Variants in MTOR observed in about 807,000 individuals in gnomAD.
The protein encoded by MTOR is mechanistic target of rapamycin kinase.
In MTOR, 70 loss-of-function variants were observed where a neutral mutation model predicts 319.8. The ratio of observed to expected loss-of-function variants is 0.22; its 90% CI spans 0.18 to 0.27. The LOEUF (loss-of-function observed/expected upper bound fraction) is 0.27. Among genes scored for constraint, MTOR ranks in the 10% least tolerant of loss-of-function variants. The probability of loss-of-function intolerance (pLI) is 1.00; values close to 1 mark genes in which losing one functional copy is unlikely to be tolerated. For synonymous variants in MTOR, 1,183 were observed against 1,211.4 expected (o/e 0.98, Z 0.49); for missense variants, 1,890 against 3,274.4 (o/e 0.58, Z 10.32).
intron 57 of MTOR, among the ~76,000 whole-genome samples, chr1:11,107,799 A>G (rs940531463): frequency 1.3e-5 from 2 of 152,092 alleles, no homozygotes; most frequent in African/African-American, 4.8e-5. Flanking sequence ...CCAGATCATA[A>G]ATCTGTCTTT....
At chr1:11,194,337 G>A in intron 28 of MTOR, 1 of 900,810 alleles carries the variant, frequency 1.1e-6, no homozygotes, top group Middle Eastern at 3.5e-4. Context: ...AAGTAATAAA[G>A]TCTTATTAGA....
chr1:11,181,086 G>C (rs549538531), intron 28 of MTOR, among the ~76,000 whole-genome samples: 1 of 152,282 alleles, frequency 6.6e-6, no homozygotes, highest in African/African-American at 2.4e-5. Flanking sequence ...AAATAAGGCA[G>C]TTTTTATGGG....
At chr1:11,226,926 C>T (rs1255464892) in intron 19 of MTOR, among the ~76,000 whole-genome samples, 1 of 132,270 alleles carries the variant, frequency 7.6e-6, no homozygotes, top group Non-Finnish European at 1.6e-5. Flanking sequence ...CCCACCCCCG[C>T]CCCCGCCCCC....
rs1291219149 is a variant in MTOR at position 11,107,150 on chromosome 1, A to G, written c.*335T>C. ...CTAGGTCATTCTTCCATCAGCAAGTACTTATGATGAGTTCTCTTGTGAGTT... is the reference window on the plus strand; with the variant it reads ...CTAGGTCATTCTTCCATCAGCAAGTGCTTATGATGAGTTCTCTTGTGAGTT... On this transcript the variant is annotated 3_prime_UTR_variant, in exon 58 of 58. Transcript: ENST00000361445. The G allele has an allele frequency of 7.2e-7, 1 of 1,384,832 alleles. No homozygotes were observed. The highest frequency in any genetic ancestry group is 2.2e-5 in the Admixed American group (1 of 46,076). The allele number at this position is 1,384,832 out of a possible 1,614,324, so 85.8% of individuals were successfully genotyped here. A position where few individuals can be genotyped will look rare whatever the true frequency, so the allele number is the denominator to read the frequency against.
intron 15 of MTOR, 138 bp downstream of exon 15, chr1:11,233,260 T>C (rs1452840324): frequency 6.0e-6 from 5 of 830,670 alleles, no homozygotes; most frequent in South Asian, 1.6e-5. Flanking sequence ...GAATCTGTTA[T>C]GAATGCATTG....
intron 19 of MTOR, among the ~76,000 whole-genome samples, chr1:11,223,065 A>C (rs1646720869): frequency 1.3e-5 from 2 of 152,222 alleles, no homozygotes; most frequent in South Asian, 4.1e-4. Context: ...CAAGCCTCTA[A>C]ATCTAACTAG....
chr1:11,238,522 G>A lies in MTOR; in HGVS notation c.1882C>T (p.Arg628Cys), dbSNP rs751242124. 23 of 1,614,104 alleles carry A rather than the reference G, an allele frequency of 1.4e-5. No homozygotes were observed. Among genetic ancestry groups the A allele is most frequent in the East Asian group, 2.2e-5 (1 of 44,898 alleles). Reference protein sequence around the residue: ...IRMEAARTCSRLLTPSIHLIS... With the variant: ...IRMEAARTCSCLLTPSIHLIS... Reference sequence around the variant, plus strand: ...AGGTGGATGGAGGGTGTGAGCAGGCGGGAGCAGGTGCGGGCAGCCTCCATG... The same window carrying A: ...AGGTGGATGGAGGGTGTGAGCAGGCAGGAGCAGGTGCGGGCAGCCTCCATG... Residue 628 changes from arginine (R) to cysteine (C), a missense_variant, in exon 12 of 58, where the codon CGC becomes TGC. Physicochemically the swap from Arg to Cys is radical, Grantham distance 180. Around this residue, in one of 15 missense-constraint regions of MTOR, gnomAD observed 418 missense variants for 543.1 expected, o/e 0.77. Coordinates refer to ENST00000361445, the MANE Select transcript of MTOR (RefSeq NM_004958.4).
At chr1:11,183,841 C>T (rs979407252) in intron 28 of MTOR, among the ~76,000 whole-genome samples, 2 of 152,154 alleles carry the variant, frequency 1.3e-5, no homozygotes, top group Non-Finnish European at 2.9e-5. Context: ...TTTCTTCCCC[C>T]ATAAGGCTAC....
intron 17 of MTOR, 42 bp from the exon 18 acceptor site, chr1:11,231,096 A>G (rs774893253): frequency 1.9e-6 from 3 of 1,613,896 alleles, no homozygotes; most frequent in Non-Finnish European, 2.5e-6. Flanking sequence ...CATTCATCAC[A>G]ACATGATTAC....
At chr1:11,146,817 G>T (rs749320512) in intron 31 of MTOR, 26 bp from the exon 32 acceptor site, 1 of 1,564,798 alleles carries the variant, frequency 6.4e-7, no homozygotes, top group Non-Finnish European at 8.8e-7. Context: ...TAGACAGAAA[G>T]CATCAAGGGG....
In MTOR at chr1:11,115,673, T is replaced by C. The variant is rs1642127644; in HGVS notation, c.7017-205A>G. ...TAAGTACTGTTCCAGGCTGCTTCCA[T>C]GCTACGACAGCAGAGCTGACTAGTT... On this transcript the variant is annotated intron_variant, in intron 50 of 57. Coordinates refer to ENST00000361445, the MANE Select transcript of MTOR (RefSeq NM_004958.4). The surrounding 1 kb of genome is among the most constrained non-coding windows in gnomAD (Gnocchi z 4.5). The C allele has an allele frequency of 1.3e-5, 7 of 537,656 alleles. No individual in the cohort carries two copies. Among genetic ancestry groups the C allele is most frequent in the Non-Finnish European group, 2.0e-5 (6 of 295,720 alleles). The allele number at this position is 537,656 out of a possible 1,614,324, so 33.3% of individuals were successfully genotyped here.
At chr1:11,213,896 C>A (rs1224478367) in intron 20 of MTOR, among the ~76,000 whole-genome samples, 1 of 152,226 alleles carries the variant, frequency 6.6e-6, no homozygotes, top group Non-Finnish European at 1.5e-5. Context: ...TTCTCCCATG[C>A]AGGCTTTCTT....
intron 49 of MTOR, among the ~76,000 whole-genome samples, chr1:11,119,427 C>T (rs56803472): frequency 0.29 from 44,408 of 151,298 alleles, 7,643 homozygotes; most frequent in African/African-American, 0.48. Flanking sequence ...AAAAATTAGC[C>T]GGGCATGGAG....
chr1:11,137,915 TA>T (rs1174991673), intron 36 of MTOR, among the ~76,000 whole-genome samples: 4 of 152,232 alleles, frequency 2.6e-5, no homozygotes, highest in African/African-American at 9.6e-5. Flanking sequence ...TCTTGCTCAG[TA>T]GCACAATTAT....
At position 11,221,910 on chromosome 1, in the gene MTOR, C is replaced by G. The variant is rs945078632; in HGVS notation, c.3031-5676G>C. Among the ~76,000 whole-genome samples, 4 of 150,258 alleles carry G rather than the reference C, an allele frequency of 2.7e-5. No homozygotes were observed. The East Asian group carries it at 7.8e-4, about 29-fold the overall frequency. On this transcript the variant is annotated intron_variant, in intron 19 of 57. Transcript: ENST00000361445. ...TGACAGTCTTCTTTGAGTGACTGTG[C>G]AACCAACTTGGTTTACAGTATAAAT...
At chr1:11,184,386 T>C (rs1478543491) in intron 28 of MTOR, among the ~76,000 whole-genome samples, 1 of 152,170 alleles carries the variant, frequency 6.6e-6, no homozygotes. Flanking sequence ...TTAATATGAA[T>C]GCATTACAAT....
intron 25 of MTOR, among the ~76,000 whole-genome samples, chr1:11,206,777 C>T (rs1327542920): frequency 6.6e-6 from 1 of 152,168 alleles, no homozygotes; most frequent in Non-Finnish European, 1.5e-5. Context: ...CACTGCTGAT[C>T]GCCTCATCTG....
intron 46 of MTOR, among the ~76,000 whole-genome samples, chr1:11,125,826 G>A (rs1642801424): frequency 1.3e-5 from 2 of 149,212 alleles, no homozygotes; most frequent in Non-Finnish European, 3.0e-5. Flanking sequence ...CTGATCACTT[G>A]AGGTCAGAGT....
In MTOR at chr1:11,254,283, G is replaced by A. The variant is rs147983200; in HGVS notation, c.706-310C>T. Among the ~76,000 whole-genome samples, 638 of 152,064 alleles carry A rather than the reference G, an allele frequency of 4.2e-3. 6 individuals are homozygous for A. The highest frequency in any genetic ancestry group is 0.014 in the African/African-American group (601 of 41,478). Reference sequence around the variant, plus strand: ...GCCCCCTGAGTAGCTGAGATTACAGGCACACACTACCACGCCTGGCTAATT... The same window carrying A: ...GCCCCCTGAGTAGCTGAGATTACAGACACACACTACCACGCCTGGCTAATT... On this transcript the variant is annotated intron_variant, in intron 5 of 57. Transcript: ENST00000361445.
Sources: gnomAD v4.1 joint callset for allele counts (sites outside exome capture counted in the v4.1 genomes callset) on GRCh38, gnomAD v4.1.1 for gene constraint, gnomAD v4.1.1 regional missense constraint, Gnocchi (gnomAD v3.1) non-coding constraint, MANE v1.5 for transcripts, NCBI Gene and HGNC (gene_info 2026-07-23, HGNC 2026-07-21) for gene names.